The following FBXL17 variants were observed in gnomAD, a reference collection of about 807,000 sequenced individuals.
FBXL17 encodes F-box and leucine rich repeat protein 17.
In FBXL17, 22 loss-of-function variants were observed where a neutral mutation model predicts 66.2. The ratio of observed to expected loss-of-function variants is 0.33; its 90% CI spans 0.24 to 0.47. The LOEUF (loss-of-function observed/expected upper bound fraction) is 0.47, where lower values mean the gene tolerates loss of function less well. Among genes scored for constraint, FBXL17 ranks in the 20% least tolerant of loss-of-function variants. The probability of loss-of-function intolerance (pLI) is 1.00; values close to 1 mark genes in which losing one functional copy is unlikely to be tolerated. For missense variants in FBXL17, 878 were observed against 948.2 expected, an observed-to-expected ratio of 0.93 and a Z score of 0.97; for synonymous variants, 474 against 400.5, an observed-to-expected ratio of 1.18 and a Z score of -2.19.
Position 107,991,649 on chromosome 5 carries a change from G to A in FBXL17, c.1822+29276C>T, listed in dbSNP as rs560015564. Among the ~76,000 whole-genome samples the A allele has an allele frequency of 4.6e-5, 7 of 152,292 alleles. No individual in the cohort carries two copies. In the South Asian group the frequency reaches 1.0e-3, roughly 23 times the overall value. ...TACAACAGAGAGAGAAGGTGGCCACGACAGTTTGCAGATTAGCTATATTCA... is the reference window on the plus strand; with the variant it reads ...TACAACAGAGAGAGAAGGTGGCCACAACAGTTTGCAGATTAGCTATATTCA... On this transcript the variant is annotated intron_variant, in intron 7 of 8. Coordinates refer to ENST00000542267, the MANE Select transcript of FBXL17 (RefSeq NM_001163315.3).
chr5:108,221,941 A>C (rs976691724), intron 5 of FBXL17, among the ~76,000 whole-genome samples: 17 of 152,188 alleles, frequency 1.1e-4, no homozygotes, highest in African/African-American at 3.9e-4. Context: ...TTAGTTGTAC[A>C]CACCAGTTTT....
At chr5:108,246,993 A>C (rs1756129029) in intron 4 of FBXL17, among the ~76,000 whole-genome samples, 1 of 152,152 alleles carries the variant, frequency 6.6e-6, no homozygotes, top group Non-Finnish European at 1.5e-5. Context: ...TGAGGGCCTG[A>C]CTGGGAGTAA....
At chr5:108,234,826 A>T (rs1166321814) in intron 4 of FBXL17, among the ~76,000 whole-genome samples, 3 of 152,222 alleles carry the variant, frequency 2.0e-5, no homozygotes, top group African/African-American at 7.2e-5. Flanking sequence ...CCATAAAAGT[A>T]GTAACTGGAA....
intron 6 of FBXL17, among the ~76,000 whole-genome samples, chr5:108,138,472 T>C (rs896819952): frequency 1.3e-5 from 2 of 152,210 alleles, no homozygotes; most frequent in South Asian, 2.1e-4. Flanking sequence ...TTCCAATGCC[T>C]AGTACAATTG....
intron 5 of FBXL17, among the ~76,000 whole-genome samples, chr5:108,216,412 A>C (rs1471136094): frequency 2.0e-5 from 3 of 152,054 alleles, no homozygotes; most frequent in Admixed American, 6.6e-5. Context: ...GTATTTATAA[A>C]TGTTTTATTA....
intron 6 of FBXL17, among the ~76,000 whole-genome samples, chr5:108,100,371 C>G (rs1012538745): frequency 1.3e-5 from 2 of 152,080 alleles, no homozygotes; most frequent in East Asian, 1.9e-4. Context: ...TATGCATCAC[C>G]CAGGTCAACA....
At position 107,861,469 on chromosome 5, in the gene FBXL17, C is replaced by G. The variant is rs936087835; in HGVS notation, c.*251G>C. On this transcript the variant is annotated 3_prime_UTR_variant, in exon 9 of 9. Transcript: ENST00000542267. The stretch of plus-strand genomic sequence containing the variant: ...TAATTTTTTTTTAAAGAGAAAGAAG[C>G]CTTTGAAGTTAAAAACTAAAAAGTT... 2.4e-5 allele frequency: 7 copies of G among 296,906 alleles called. No individual in the cohort carries two copies. The highest frequency in any genetic ancestry group is 3.3e-4 in the South Asian group (2 of 6,146). The allele number at this position is 296,906 out of a possible 1,614,324, so 18.4% of individuals were successfully genotyped here. A position where few individuals can be genotyped will look rare whatever the true frequency, so the allele number is the denominator to read the frequency against.
At chr5:108,236,767 AT>A (rs1020835672) in intron 4 of FBXL17, among the ~76,000 whole-genome samples, 1 of 152,106 alleles carries the variant, frequency 6.6e-6, no homozygotes, top group South Asian at 2.1e-4. Context: ...TCGTTGATTA[AT>A]TTTTTCATCT....
chr5:107,878,386 T>TA (rs1554081291), intron 8 of FBXL17: 1 of 754,660 alleles, frequency 1.3e-6, no homozygotes, highest in Non-Finnish European at 1.6e-6. Context: ...TTATATATAA[T>TA]AGACATTATT....
At chr5:108,317,150 T>C (rs1244458098) in intron 4 of FBXL17, among the ~76,000 whole-genome samples, 1 of 151,300 alleles carries the variant, frequency 6.6e-6, no homozygotes, top group Non-Finnish European at 1.5e-5. Context: ...GTATTATGTT[T>C]TCCACTACAA....
chr5:107,861,817 TG>T lies in FBXL17; in HGVS notation c.2008del (p.His670ThrfsTer102). 1 of 1,571,216 alleles carries T rather than the reference TG, an allele frequency of 6.4e-7. No individual in the cohort carries two copies. ...CTGCAGGACGGTGCTGAAGGTGATG[TG>T]GGGGTACTGCTGCACCAGCTGTTCC... ...TVEQLVQQYPHITFSTVLQDC... is the reference protein window; with the variant it reads ...TVEQLVQQYPXITFSTVLQDC... On this transcript the variant is annotated frameshift_variant, in exon 9 of 9. Coordinates refer to ENST00000542267, the MANE Select transcript of FBXL17 (RefSeq NM_001163315.3). LOFTEE classifies it high-confidence loss of function.
At chr5:108,194,639 A>T (rs1753605939) in intron 5 of FBXL17, among the ~76,000 whole-genome samples, 1 of 152,062 alleles carries the variant, frequency 6.6e-6, no homozygotes, top group Non-Finnish European at 1.5e-5. Flanking sequence ...TCTCATCACA[A>T]ACATCTGAAA....
chr5:108,204,698 T>C (rs556078659), intron 5 of FBXL17, among the ~76,000 whole-genome samples: 1 of 152,194 alleles, frequency 6.6e-6, no homozygotes, highest in Non-Finnish European at 1.5e-5. Context: ...TAATACATAT[T>C]ATCCTAAGCA....
chr5:107,961,872 A>C (rs1324714344), intron 7 of FBXL17, among the ~76,000 whole-genome samples: 1 of 152,138 alleles, frequency 6.6e-6, no homozygotes, highest in Non-Finnish European at 1.5e-5. Flanking sequence ...GAGGGAACAC[A>C]GGCTAGGAGA....
intron 7 of FBXL17, among the ~76,000 whole-genome samples, chr5:107,883,458 T>C (rs766330106): frequency 1.2e-4 from 19 of 152,058 alleles, no homozygotes; most frequent in Non-Finnish European, 2.5e-4. Context: ...CAGAGGCCAG[T>C]TGAGTGGAGG....
chr5:108,151,134 C>G (rs1018366267), intron 6 of FBXL17, among the ~76,000 whole-genome samples: 2 of 151,770 alleles, frequency 1.3e-5, no homozygotes, highest in African/African-American at 4.8e-5. Flanking sequence ...TCTTTTTTTC[C>G]CTAAATCTTT....
intron 7 of FBXL17, among the ~76,000 whole-genome samples, chr5:107,978,562 T>G (rs1752677547): frequency 1.3e-5 from 2 of 152,182 alleles, no homozygotes; most frequent in South Asian, 4.1e-4. Context: ...ACTTTTACAT[T>G]TCTGGCCACT....
At chr5:108,051,689 G>A (rs996643236) in intron 6 of FBXL17, among the ~76,000 whole-genome samples, 4 of 152,116 alleles carry the variant, frequency 2.6e-5, no homozygotes, top group Non-Finnish European at 5.9e-5. Flanking sequence ...TATAAGACAA[G>A]GATGAGGCTG....
At chr5:107,931,908 A>C (rs1750748977) in intron 7 of FBXL17, among the ~76,000 whole-genome samples, 1 of 152,190 alleles carries the variant, frequency 6.6e-6, no homozygotes, top group Admixed American at 6.6e-5. Flanking sequence ...GTGCCTTTCC[A>C]ATTAATAAGC....
Sources: allele counts gnomAD v4.1 joint callset (sites outside exome capture counted in the v4.1 genomes callset), GRCh38; gene constraint gnomAD v4.1.1; transcripts MANE v1.5; gene names NCBI Gene and HGNC (gene_info 2026-07-23, HGNC 2026-07-21).